Variants in KCNT2 observed in about 807,000 individuals in gnomAD.
The protein encoded by KCNT2 is potassium sodium-activated channel subfamily T member 2.
A neutral mutation model predicts 153.8 loss-of-function variants in KCNT2; 67 were observed. That is an observed-to-expected ratio of 0.44 (90% CI 0.36 to 0.53). The LOEUF is 0.53. KCNT2 is among the 20% of genes least tolerant of loss of function. KCNT2 has a pLI of 0.00. For synonymous variants in KCNT2, 500 were observed against 458.8 expected, an observed-to-expected ratio of 1.09 and a Z score of -1.15; for missense variants, 975 against 1,354.8, an observed-to-expected ratio of 0.72 and a Z score of 4.40.
intron 26 of KCNT2, among the ~76,000 whole-genome samples, chr1:196,249,055 G>T (rs890163763): frequency 6.6e-6 from 1 of 151,896 alleles, no homozygotes; most frequent in African/African-American, 2.4e-5. Flanking sequence ...AAAACCAAAT[G>T]ATCATTTCAA....
chr1:196,331,650 AG>A lies in KCNT2; in HGVS notation c.1998-390del, dbSNP rs1395561228. Among the ~76,000 whole-genome samples, 7 of 152,206 alleles carry A rather than the reference AG, an allele frequency of 4.6e-5. No individual in the cohort carries two copies. In the East Asian group the frequency reaches 1.2e-3, roughly 25 times the overall value. On this transcript the variant is annotated intron_variant, in intron 17 of 27. Coordinates refer to ENST00000294725, the MANE Select transcript of KCNT2 (RefSeq NM_198503.5). ...TGGTAACAGAGTTAGTAGTTGCAAC[AG>A]GGGTCAAAAAGCCTGAAATATTTAC...
intron 8 of KCNT2, among the ~76,000 whole-genome samples, chr1:196,459,967 A>C (rs1483920554): frequency 6.6e-6 from 1 of 151,748 alleles, no homozygotes; most frequent in African/African-American, 2.4e-5. Context: ...CTTTTCTCAA[A>C]AGCCAGTGCC....
intron 13 of KCNT2, among the ~76,000 whole-genome samples, chr1:196,374,927 G>C (rs1668829329): frequency 6.6e-6 from 1 of 151,756 alleles, no homozygotes; most frequent in African/African-American, 2.4e-5. Context: ...AAATTTGGAA[G>C]GTATGATTAC....
chr1:196,234,014 A>G (rs1654189074), intron 27 of KCNT2, among the ~76,000 whole-genome samples: 1 of 151,386 alleles, frequency 6.6e-6, no homozygotes, highest in Admixed American at 6.6e-5. Flanking sequence ...TATGCTTAAC[A>G]AGACTTCATT....
chr1:196,334,746 A>G (rs1664842348), intron 16 of KCNT2, among the ~76,000 whole-genome samples: 1 of 152,000 alleles, frequency 6.6e-6, no homozygotes. Flanking sequence ...AGACAAACAA[A>G]GTTTCTACAA....
chr1:196,596,404 C>T (rs1192205369), intron 1 of KCNT2, among the ~76,000 whole-genome samples: 1 of 151,976 alleles, frequency 6.6e-6, no homozygotes, highest in East Asian at 1.9e-4. Context: ...TGTTTTTTGA[C>T]TTCATAATCA....
chr1:196,501,400 G>A (rs977456461), intron 1 of KCNT2, among the ~76,000 whole-genome samples: 1 of 151,960 alleles, frequency 6.6e-6, no homozygotes, highest in Non-Finnish European at 1.5e-5. Context: ...AATACTGTTT[G>A]GGTATAAAAA....
At position 196,237,492 on chromosome 1, in the gene KCNT2, G is replaced by C. The variant is rs147225355; in HGVS notation, c.3212-1422C>G. ...ATCTATGGGATAGACACAAGGAATT[G>C]TATCATGCCATAGTGTTAGGGTTGC... On this transcript the variant is annotated intron_variant, in intron 26 of 27. Coordinates refer to ENST00000294725, the MANE Select transcript of KCNT2 (RefSeq NM_198503.5). 3.5e-3 allele frequency among the ~76,000 whole-genome samples: 526 copies of C among 151,832 alleles called. 5 individuals carry two copies. Among genetic ancestry groups the C allele is most frequent in the African/African-American group, 0.012 (502 of 41,512 alleles).
intron 8 of KCNT2, among the ~76,000 whole-genome samples, chr1:196,430,099 C>T (rs1168860920): frequency 1.3e-5 from 2 of 151,890 alleles, no homozygotes; most frequent in East Asian, 3.9e-4. Context: ...ACCAAAATAC[C>T]AAGTCTTTTC....
chr1:196,484,231 G>C (rs1171874027), intron 3 of KCNT2, among the ~76,000 whole-genome samples: 1 of 151,948 alleles, frequency 6.6e-6, no homozygotes, highest in Non-Finnish European at 1.5e-5. Flanking sequence ...GGCATGAGAT[G>C]GTATCTCACT....
intron 26 of KCNT2, among the ~76,000 whole-genome samples, chr1:196,252,678 C>T (rs1166922927): frequency 6.6e-6 from 1 of 151,510 alleles, no homozygotes; most frequent in Non-Finnish European, 1.5e-5. Flanking sequence ...TATATATTTA[C>T]TATTTGGTCT....
intron 1 of KCNT2, among the ~76,000 whole-genome samples, chr1:196,602,869 C>T (rs1464339682): frequency 6.8e-6 from 1 of 146,936 alleles, no homozygotes; most frequent in Non-Finnish European, 1.5e-5. Flanking sequence ...TCACTGCAAG[C>T]TCCGCCTCCC....
chr1:196,593,827 C>G (rs1443324598), intron 1 of KCNT2, among the ~76,000 whole-genome samples: 1 of 152,008 alleles, frequency 6.6e-6, no homozygotes, highest in Non-Finnish European at 1.5e-5. Context: ...ACTTAGAACA[C>G]GTTGTTTAGA....
At chr1:196,435,905 A>G (rs1377077110) in intron 8 of KCNT2, among the ~76,000 whole-genome samples, 1 of 151,696 alleles carries the variant, frequency 6.6e-6, no homozygotes, top group Admixed American at 6.6e-5. Flanking sequence ...AATTGTTTAG[A>G]GGGGAATTTT....
intron 13 of KCNT2, among the ~76,000 whole-genome samples, chr1:196,376,172 T>C (rs766420372): frequency 4.7e-4 from 72 of 151,842 alleles, no homozygotes; most frequent in Admixed American, 2.0e-4. Context: ...ACAATCAAAT[T>C]CCCCTCTCTT....
chr1:196,470,408 A>C (rs747137915), intron 5 of KCNT2, among the ~76,000 whole-genome samples: 1 of 152,222 alleles, frequency 6.6e-6, no homozygotes, highest in African/African-American at 2.4e-5. Context: ...TAAACCCTAA[A>C]GAATGGAACC....
At chr1:196,503,209 T>C (rs1680842596) in intron 1 of KCNT2, among the ~76,000 whole-genome samples, 1 of 152,040 alleles carries the variant, frequency 6.6e-6, no homozygotes, top group Non-Finnish European at 1.5e-5. Flanking sequence ...TTCCACGTTT[T>C]TCTTCTTACC....
In KCNT2 at chr1:196,319,268, A is replaced by T. The variant is rs1327246686; in HGVS notation, c.2348+216T>A. ...AAACTGAGCAAAACTGACAAAATTG[A>T]CATGCAGCAAGATTTGTTTTAATTC... On this transcript the variant is annotated intron_variant, in intron 20 of 27. Coordinates refer to ENST00000294725, the MANE Select transcript of KCNT2 (RefSeq NM_198503.5). Among the ~76,000 whole-genome samples the T allele has an allele frequency of 2.6e-5, 4 of 151,862 alleles. No homozygotes were observed. The East Asian group carries it at 7.8e-4, about 29-fold the overall frequency.
At chr1:196,522,849 A>C (rs191488729) in intron 1 of KCNT2, among the ~76,000 whole-genome samples, 77 of 152,246 alleles carry the variant, frequency 5.1e-4, no homozygotes, top group African/African-American at 1.8e-3. Flanking sequence ...AGCACTCTGT[A>C]AAATGGACCA....
Sources: allele counts gnomAD v4.1 joint callset (sites outside exome capture counted in the v4.1 genomes callset), GRCh38; gene constraint gnomAD v4.1.1; transcripts MANE v1.5; gene names NCBI Gene and HGNC (gene_info 2026-07-23, HGNC 2026-07-21).